Variants in ARHGAP24 observed in about 807,000 individuals in gnomAD.
ARHGAP24 encodes Rho GTPase activating protein 24.
Under a neutral mutation model 76.4 loss-of-function variants are expected in ARHGAP24, and 50 were observed. That is an observed-to-expected ratio of 0.65 (90% CI 0.52 to 0.83). The LOEUF is 0.83. Ranked by LOEUF, ARHGAP24 falls within the 40% of genes least tolerant of loss-of-function variation. ARHGAP24 has a pLI of 0.00. For synonymous variants in ARHGAP24, 345 were observed against 323.3 expected, an observed-to-expected ratio of 1.07 and a Z score of -0.72; for missense variants, 930 against 914.2, an observed-to-expected ratio of 1.02 and a Z score of -0.22.
chr4:85,627,459 C>T (rs546797209), intron 2 of ARHGAP24, among the ~76,000 whole-genome samples: 27 of 152,154 alleles, frequency 1.8e-4, no homozygotes, highest in South Asian at 6.2e-4. Flanking sequence ...AGTACCCGGC[C>T]GTGTGAGGTG....
intron 1 of ARHGAP24, among the ~76,000 whole-genome samples, chr4:85,498,689 G>C (rs974108586): frequency 1.3e-5 from 2 of 152,176 alleles, no homozygotes; most frequent in Non-Finnish European, 2.9e-5. Flanking sequence ...TAGAATCGTG[G>C]GGAATTGATC....
At chr4:85,608,754 T>G (rs1720290040) in intron 2 of ARHGAP24, among the ~76,000 whole-genome samples, 1 of 152,004 alleles carries the variant, frequency 6.6e-6, no homozygotes, top group Non-Finnish European at 1.5e-5. Flanking sequence ...GATACGGGGT[T>G]TCACCATGTT....
At chr4:85,718,436 A>C (rs1306829986) in intron 2 of ARHGAP24, among the ~76,000 whole-genome samples, 1 of 152,062 alleles carries the variant, frequency 6.6e-6, no homozygotes, top group Non-Finnish European at 1.5e-5. Flanking sequence ...TGGTGTTAAC[A>C]TTGGTTATCT....
At chr4:85,920,843 A>C (rs1036394289) in intron 3 of ARHGAP24, among the ~76,000 whole-genome samples, 53 of 152,348 alleles carry the variant, frequency 3.5e-4, no homozygotes, top group African/African-American at 1.1e-3. Context: ...CACCAGTCAG[A>C]ATGGCTATTA....
intron 3 of ARHGAP24, among the ~76,000 whole-genome samples, chr4:85,884,079 A>G (rs1161472525): frequency 6.6e-6 from 1 of 152,254 alleles, no homozygotes; most frequent in Non-Finnish European, 1.5e-5. Flanking sequence ...GTGCAGGAAT[A>G]TGTAGTTAAA....
intron 3 of ARHGAP24, among the ~76,000 whole-genome samples, chr4:85,864,360 G>T (rs779588509): frequency 6.6e-6 from 1 of 151,980 alleles, no homozygotes; most frequent in African/African-American, 2.4e-5. Flanking sequence ...TGATTTTTTC[G>T]ATAATAATCT....
chr4:85,475,684 CGGGGGGCGGG>C (rs1722559965), intron 1 of ARHGAP24, 125 bp downstream of exon 1: 1 of 4,312 alleles, frequency 2.3e-4, no homozygotes, highest in Admixed American at 3.3e-3. Flanking sequence ...GAGGGGGCTG[CGGGGGGCGGG>C]GAGGGGGCTG....
Position 85,942,098 on chromosome 4 carries a change from C to CT in ARHGAP24, c.424_425insT (p.Arg142LeufsTer3). The CT allele has an allele frequency of 6.2e-7, 1 of 1,613,510 alleles. No individual in the cohort carries two copies. The highest frequency in any genetic ancestry group is 8.5e-7 in the Non-Finnish European group (1 of 1,179,938). On this transcript the variant is annotated frameshift_variant, in exon 5 of 10. Transcript: ENST00000395184. LOFTEE classifies it high-confidence loss of function. ...TGGACAGAAACTGGAGGATACTGTT[C>CT]GTTATGAGAAGAGATATGGGAACCG...
intron 3 of ARHGAP24, among the ~76,000 whole-genome samples, chr4:85,849,320 T>G (rs1258564330): frequency 1.3e-5 from 2 of 151,468 alleles, no homozygotes; most frequent in Non-Finnish European, 2.9e-5. Context: ...TTTGCTGAAG[T>G]TGCTTATCAG....
chr4:85,978,819 T>G (rs1739480868), intron 8 of ARHGAP24, among the ~76,000 whole-genome samples: 1 of 152,150 alleles, frequency 6.6e-6, no homozygotes, highest in East Asian at 1.9e-4. Context: ...ACTCTTCCTG[T>G]GCCCTGACCC....
chr4:85,899,729 C>T (rs1229186655), intron 3 of ARHGAP24, among the ~76,000 whole-genome samples: 2 of 152,138 alleles, frequency 1.3e-5, no homozygotes, highest in African/African-American at 2.4e-5. Context: ...TTCAGTATCT[C>T]CATCTGTATT....
At chr4:85,736,891 C>T (rs1038555290) in intron 3 of ARHGAP24, among the ~76,000 whole-genome samples, 1 of 152,110 alleles carries the variant, frequency 6.6e-6, no homozygotes, top group Non-Finnish European at 1.5e-5. Flanking sequence ...ATAAACTATC[C>T]CACTAGTCTA....
At chr4:85,896,594 G>A (rs754776829) in intron 3 of ARHGAP24, among the ~76,000 whole-genome samples, 24 of 152,120 alleles carry the variant, frequency 1.6e-4, no homozygotes, top group Non-Finnish European at 3.4e-4. Context: ...TTATTTAATT[G>A]CTCATTTATT....
chr4:85,736,419 G>A (rs1367026155), intron 3 of ARHGAP24, among the ~76,000 whole-genome samples: 2 of 152,186 alleles, frequency 1.3e-5, no homozygotes, highest in African/African-American at 4.8e-5. Flanking sequence ...GGAAGGTAGT[G>A]TAATGTAGAA....
intron 2 of ARHGAP24, among the ~76,000 whole-genome samples, chr4:85,593,623 AT>A (rs1728205109): frequency 6.6e-6 from 1 of 152,052 alleles, no homozygotes; most frequent in South Asian, 2.1e-4. Flanking sequence ...TTTTGATTTG[AT>A]TTGTATACGG....
chr4:85,668,247 A>T (rs113155700), intron 2 of ARHGAP24, among the ~76,000 whole-genome samples: 4,461 of 152,286 alleles, frequency 0.029, 204 homozygotes, highest in African/African-American at 0.1. Flanking sequence ...CAGACTTATA[A>T]TTTGTAATTT....
intron 2 of ARHGAP24, among the ~76,000 whole-genome samples, chr4:85,708,991 C>T (rs766829511): frequency 1.3e-5 from 2 of 152,120 alleles, no homozygotes; most frequent in Non-Finnish European, 2.9e-5. Flanking sequence ...CTGAAACTCT[C>T]CAAAAGATTA....
chr4:85,849,908 T>C (rs1157306203), intron 3 of ARHGAP24, among the ~76,000 whole-genome samples: 1 of 152,200 alleles, frequency 6.6e-6, no homozygotes, highest in Admixed American at 6.5e-5. Context: ...TCTAAAATAC[T>C]CTTTTTTTCT....
intron 3 of ARHGAP24, among the ~76,000 whole-genome samples, chr4:85,770,982 TAA>T (rs2110078693): frequency 6.6e-6 from 1 of 152,312 alleles, no homozygotes; most frequent in Admixed American, 6.5e-5. Context: ...AATGAAGAAA[TAA>T]AGCCTGTGCT....
Sources: gnomAD v4.1 joint callset for allele counts (sites outside exome capture counted in the v4.1 genomes callset) on GRCh38, gnomAD v4.1.1 for gene constraint, MANE v1.5 for transcripts, NCBI Gene and HGNC (gene_info 2026-07-23, HGNC 2026-07-21) for gene names.